The following TSPEAR variants were observed in gnomAD, a reference collection of about 807,000 sequenced individuals.
TSPEAR encodes thrombospondin type laminin G domain and EAR repeats.
A neutral mutation model predicts 71.6 loss-of-function variants in TSPEAR; 69 were observed. The ratio of observed to expected loss-of-function variants is 0.96; its 90% confidence interval spans 0.79 to 1.18. TSPEAR has a LOEUF of 1.18. Ranked by LOEUF, TSPEAR falls within the 50% of genes most tolerant of loss-of-function variation. TSPEAR has a pLI of 0.00. For synonymous variants in TSPEAR, 402 were observed against 387.2 expected (o/e 1.04, Z -0.45); for missense variants, 971 against 894.9 (o/e 1.09, Z -1.09).
At chr21:44,635,637 T>C (rs1448101690) in intron 1 of TSPEAR, among the ~76,000 whole-genome samples, 2 of 152,020 alleles carry the variant, frequency 1.3e-5, no homozygotes, top group African/African-American at 4.8e-5. Context: ...ACAAGCAGAA[T>C]AGTATTGGTT....
In TSPEAR at chr21:44,540,315, C is replaced by T. The variant is rs920538809; in HGVS notation, c.304-6392G>A. ...TTCCAGGGCCCACAGCGTCCCCTTC[C>T]TGGTTGCTGAGAGGTGGCGTGTGTC... On this transcript the variant is annotated intron_variant, in intron 2 of 11. Transcript: ENST00000323084. 6 of 1,198,610 alleles carry T rather than the reference C, an allele frequency of 5.0e-6. No homozygotes were observed. The Admixed American group carries it at 1.6e-4, about 32-fold the overall frequency. 74.2% of individuals were successfully genotyped at this position (1,198,610 alleles called of 1,614,324 possible). A position where few individuals can be genotyped will look rare whatever the true frequency, so the allele number is the denominator to read the frequency against.
chr21:44,558,112 T>C lies in TSPEAR; in HGVS notation c.303+9673A>G, dbSNP rs181516402. The C allele has an allele frequency of 1.9e-3, 3,129 of 1,610,986 alleles. 52 individuals carry two copies. The African/African-American group carries it at 0.034, about 17-fold the overall frequency. On this transcript the variant is annotated intron_variant, in intron 2 of 11. Transcript: ENST00000323084. The stretch of plus-strand genomic sequence containing the variant: ...CACGCGGAAGAGAGGCGGGAGCACG[T>C]GGGGCGGCAGAGGAGGGACACGCAG...
At chr21:44,579,898 G>C (rs781907835) in intron 1 of TSPEAR, 4 of 1,612,876 alleles carry the variant, frequency 2.5e-6, no homozygotes, top group Non-Finnish European at 3.4e-6. Context: ...GCCTGCATAT[G>C]GGGCGGCAGA....
rs143264636 is a variant in TSPEAR at position 44,509,354 on chromosome 21, C to T, written c.1599G>A (p.Gln533=). 7.9e-5 allele frequency: 127 copies of T among 1,613,706 alleles called. 2 individuals are homozygous for T. The highest frequency in any genetic ancestry group is 9.9e-5 in the Non-Finnish European group (117 of 1,179,968). The part of the protein sequence containing the change: ...TFGAADWEVF[Q]IGERIFLAVA... Reference sequence around the variant, plus strand: ...CAGCGAGGAAGATCCTCTCCCCGATCTGGAAGACCTCCCAGTCTGCAGCAC... The same window carrying T: ...CAGCGAGGAAGATCCTCTCCCCGATTTGGAAGACCTCCCAGTCTGCAGCAC... The change falls in exon 10 of 12, where the codon CAG becomes CAA. Residue 533 remains glutamine, a synonymous_variant. Coordinates refer to ENST00000323084, the MANE Select transcript of TSPEAR (RefSeq NM_144991.3).
Position 44,523,781 on chromosome 21 carries a change from TAGTC to T in TSPEAR, c.1337-1673_1337-1670del, listed in dbSNP as rs782036455. 2.0e-4 allele frequency among the ~76,000 whole-genome samples: 30 copies of T among 149,482 alleles called. 1 individual carries two copies. The East Asian group carries it at 3.8e-3, about 19-fold the overall frequency. ...CCAGTCAGTGAGGTAGTTAATCAGT[TAGTC>T]AGTGAGGTAGTCAGTCAGTCAGTCA... On this transcript the variant is annotated intron_variant, in intron 8 of 11. Transcript: ENST00000323084.
At chr21:44,566,062 T>C (rs1320300384) in intron 2 of TSPEAR, among the ~76,000 whole-genome samples, 1 of 152,070 alleles carries the variant, frequency 6.6e-6, no homozygotes, top group Non-Finnish European at 1.5e-5. Flanking sequence ...CACCTGTAAT[T>C]CCAGCTACTC....
intron 5 of TSPEAR, 50 bp downstream of exon 5, chr21:44,529,748 G>A: frequency 6.2e-7 from 1 of 1,606,872 alleles, no homozygotes; most frequent in African/African-American, 1.3e-5. Context: ...TGTGAGGCCA[G>A]GGCTCTCGCA....
chr21:44,540,599 G>A (rs1027700383), intron 2 of TSPEAR, among the ~76,000 whole-genome samples: 7 of 152,210 alleles, frequency 4.6e-5, no homozygotes, highest in Admixed American at 1.3e-4. Flanking sequence ...TCCCTAAAGC[G>A]GGTCCTCACT....
chr21:44,677,091 A>G, intron 1 of TSPEAR: 1 of 720,266 alleles, frequency 1.4e-6, no homozygotes, highest in South Asian at 1.5e-5. Context: ...GCTTAGACTC[A>G]AATTGAGCTG....
intron 1 of TSPEAR, among the ~76,000 whole-genome samples, chr21:44,696,815 G>A (rs1048092835): frequency 8.5e-5 from 13 of 152,160 alleles, no homozygotes; most frequent in Admixed American, 7.9e-4. Flanking sequence ...ACGGCCCCAC[G>A]GTCCCGCTCA....
intron 1 of TSPEAR, chr21:44,702,651 C>A: frequency 6.3e-7 from 1 of 1,581,306 alleles, no homozygotes; most frequent in Non-Finnish European, 8.7e-7. Context: ...GGCCCACCTG[C>A]TGCATGCCCG....
intron 1 of TSPEAR, among the ~76,000 whole-genome samples, chr21:44,617,365 G>A (rs1555932734): frequency 6.6e-6 from 1 of 152,264 alleles, no homozygotes; most frequent in African/African-American, 2.4e-5. Context: ...CCGCTGGGAT[G>A]CAGAACAGAG....
chr21:44,710,355 C>T lies in TSPEAR; in HGVS notation c.82+1078G>A, dbSNP rs1439277596. 6.6e-6 allele frequency among the ~76,000 whole-genome samples: 1 copy of T among 152,050 alleles called. No homozygotes were observed. On this transcript the variant is annotated intron_variant, in intron 1 of 11. Coordinates refer to ENST00000323084, the MANE Select transcript of TSPEAR (RefSeq NM_144991.3). The surrounding 1 kb of genome is among the most constrained non-coding windows in gnomAD (Gnocchi z 4.6). ...GGTCTACCTACCTCCCACTGCACAG[C>T]CCGAGGGCTGTCCTGGAGGCACAGC...
At chr21:44,571,958 G>A (rs937206019) in intron 1 of TSPEAR, among the ~76,000 whole-genome samples, 1 of 152,230 alleles carries the variant, frequency 6.6e-6, no homozygotes, top group East Asian at 1.9e-4. Flanking sequence ...CCCCGGAGGG[G>A]CACCAGCACT....
At chr21:44,701,268 G>A (rs117100407) in intron 1 of TSPEAR, among the ~76,000 whole-genome samples, 5,767 of 152,190 alleles carry the variant, frequency 0.038, 145 homozygotes, top group Non-Finnish European at 0.06. Flanking sequence ...GGGAACATTC[G>A]ATACCTTCCT....
chr21:44,658,355 G>A (rs1411496226), intron 1 of TSPEAR: 11 of 1,348,922 alleles, frequency 8.2e-6, no homozygotes, highest in Non-Finnish European at 1.1e-5. Context: ...CACACATAGG[G>A]CAGATGAAAA....
At chr21:44,601,573 A>C (rs1980912729) in intron 1 of TSPEAR, 1 of 1,612,536 alleles carries the variant, frequency 6.2e-7, no homozygotes, top group Admixed American at 1.7e-5. Context: ...CCCCGTGTGC[A>C]GGCCCGCCTG....
intron 1 of TSPEAR, among the ~76,000 whole-genome samples, chr21:44,671,037 C>T (rs1482456666): frequency 2.6e-5 from 4 of 152,198 alleles, no homozygotes; most frequent in African/African-American, 7.2e-5. Flanking sequence ...GGCACTGCAC[C>T]CTCAGTGCCC....
chr21:44,516,039 C>G (rs112064482), intron 9 of TSPEAR: 1 of 152,254 alleles, frequency 6.6e-6, no homozygotes, highest in Non-Finnish European at 1.5e-5. Flanking sequence ...GGCCGCTTAC[C>G]GCCGTGTGTT....
Sources: allele counts gnomAD v4.1 joint callset (sites outside exome capture counted in the v4.1 genomes callset), GRCh38; gene constraint gnomAD v4.1.1; non-coding constraint Gnocchi (gnomAD v3.1); transcripts MANE v1.5; gene names NCBI Gene and HGNC (gene_info 2026-07-23, HGNC 2026-07-21).